The following IL17RD variants were observed in gnomAD, a reference collection of about 807,000 sequenced individuals.
The protein encoded by IL17RD is interleukin 17 receptor D.
In IL17RD, 52 loss-of-function variants were observed where a neutral mutation model predicts 80.5. The observed-to-expected ratio is 0.65, with a 90% CI of 0.52 to 0.81. The LOEUF (loss-of-function observed/expected upper bound fraction) is 0.81. IL17RD is among the 40% of genes least tolerant of loss of function. IL17RD has a pLI of 0.00. For synonymous variants in IL17RD, 416 were observed against 391.8 expected, an observed-to-expected ratio of 1.06 and a Z score of -0.73; for missense variants, 1,024 against 955.1, an observed-to-expected ratio of 1.07 and a Z score of -0.95.
In IL17RD at chr3:57,095,404, A is replaced by G. The variant is rs981576794; in HGVS notation, c.*989T>C. 1 of 152,236 alleles carries G rather than the reference A, an allele frequency of 6.6e-6. No homozygotes were observed. The highest frequency in any genetic ancestry group is 2.4e-5 in the African/African-American group (1 of 41,450). 9.4% of individuals were successfully genotyped at this position (152,236 alleles called of 1,614,324 possible). ...TTAAAAAGAGGTTTGTCATTAGTCA[A>G]AACCAGTTCAGCAGATTAACTGGCC... On this transcript the variant is annotated 3_prime_UTR_variant, in exon 13 of 13. Transcript: ENST00000296318.
chr3:57,133,178 C>T (rs1707648733), intron 1 of IL17RD, among the ~76,000 whole-genome samples: 2 of 152,188 alleles, frequency 1.3e-5, no homozygotes, highest in African/African-American at 2.4e-5. Context: ...AGTTTCAAAG[C>T]GTAAAAAATT....
In IL17RD at chr3:57,097,783, G is replaced by A. The variant is rs947148302; in HGVS notation, c.1920C>T (p.Ser640=). 14 of 1,602,832 alleles carry A rather than the reference G, an allele frequency of 8.7e-6. No individual in the cohort carries two copies. The highest frequency in any genetic ancestry group is 1.3e-5 in the African/African-American group (1 of 74,724). Residue 640 remains serine (S), a synonymous_variant, in exon 12 of 13, where the codon AGC becomes AGT. Coordinates refer to ENST00000296318, the MANE Select transcript of IL17RD (RefSeq NM_017563.5). ...TGTGCAGCAGGGGTTGCAGGGCGGC[G>A]CTACCGTCAAGGGCAGGCCGGGCCT... is the stretch of plus-strand genomic sequence containing the variant. ...DGEARPALDG[S]AALQPLLHTV...
chr3:57,150,596 C>T lies in IL17RD; in HGVS notation c.126+14565G>A, dbSNP rs887969896. On this transcript the variant is annotated intron_variant, in intron 1 of 12. Transcript: ENST00000296318. ...ATGTTCAAAGGCTGGGCAGTCAGGA[C>T]GAAAGGTACACTGTCCCGGATATGT... The T allele has an allele frequency of 5.3e-5, 8 of 152,270 alleles. No homozygotes were observed. The East Asian group carries it at 7.7e-4, about 15-fold the overall frequency. The allele number at this position is 152,270 out of a possible 1,614,324, so 9.4% of individuals were successfully genotyped here.
At chr3:57,139,206 G>A (rs1707785250) in intron 1 of IL17RD, among the ~76,000 whole-genome samples, 1 of 151,998 alleles carries the variant, frequency 6.6e-6, no homozygotes, top group South Asian at 2.1e-4. Context: ...CCAGGAATTG[G>A]GCTTTGTGAG....
At chr3:57,164,509 A>G (rs1486822306) in intron 1 of IL17RD, among the ~76,000 whole-genome samples, 1 of 152,192 alleles carries the variant, frequency 6.6e-6, no homozygotes, top group East Asian at 1.9e-4. Flanking sequence ...AATATCCGCA[A>G]CTCGAAGCAG....
At chr3:57,159,519 G>A (rs1172076271) in intron 1 of IL17RD, among the ~76,000 whole-genome samples, 1 of 152,222 alleles carries the variant, frequency 6.6e-6, no homozygotes, top group East Asian at 1.9e-4. Flanking sequence ...ACCTAATCGT[G>A]TGTCAGGCCC....
intron 7 of IL17RD, 25 bp downstream of exon 7, chr3:57,105,832 C>T (rs775405295): frequency 1.9e-6 from 3 of 1,608,324 alleles, no homozygotes; most frequent in Middle Eastern, 1.9e-4. Flanking sequence ...ACGCAGTGTT[C>T]CTTTATATAC....
At chr3:57,098,842 C>G (rs759717723) in intron 11 of IL17RD, among the ~76,000 whole-genome samples, 1 of 152,204 alleles carries the variant, frequency 6.6e-6, no homozygotes, top group African/African-American at 2.4e-5. Context: ...GGCACCTTGC[C>G]CAAGTCACAC....
At chr3:57,117,512 G>A (rs1048848693) in intron 2 of IL17RD, among the ~76,000 whole-genome samples, 1 of 152,184 alleles carries the variant, frequency 6.6e-6, no homozygotes, top group African/African-American at 2.4e-5. Flanking sequence ...GCCAAAGGAG[G>A]CAGAGAGACT....
rs1265865586 is a variant in IL17RD, at chr3:57,109,559, G to C, written c.528C>G (p.His176Gln). Reference sequence around the variant, plus strand: ...CACCTCGGGTTCTAAAGAAGAAAGGGTGGTAATTGCTTTCGTTTTTAATGG... The same window carrying C: ...CACCTCGGGTTCTAAAGAAGAAAGGCTGGTAATTGCTTTCGTTTTTAATGG... ...FPSIKNESNY[H>Q]PFFFRTRACD... The change falls in exon 5 of 13, where the codon CAC becomes CAG. Residue 176 changes from histidine to glutamine, a missense_variant. Physicochemically the swap from His to Gln is conservative, Grantham distance 24. Transcript: ENST00000296318. 3.1e-6 allele frequency: 5 copies of C among 1,613,704 alleles called. No homozygotes were observed. The highest frequency in any genetic ancestry group is 4.2e-6 in the Non-Finnish European group (5 of 1,179,760).
At position 57,134,551 on chromosome 3, in the gene IL17RD, T is replaced by C. The variant is rs1707680726; in HGVS notation, c.127-14238A>G. On this transcript the variant is annotated intron_variant, in intron 1 of 12. Coordinates refer to ENST00000296318, the MANE Select transcript of IL17RD (RefSeq NM_017563.5). The stretch of plus-strand genomic sequence containing the variant: ...GTGTTCAAAAACAAGTGGATTCTCA[T>C]GGAACACATCCTCAAGCTGAAGGCA... 2.9e-6 allele frequency: 4 copies of C among 1,402,934 alleles called. No homozygotes were observed. The Admixed American group carries it at 5.0e-5, about 18-fold the overall frequency. The allele number at this position is 1,402,934 out of a possible 1,614,324, so 86.9% of individuals were successfully genotyped here.
In IL17RD at chr3:57,105,008, T is replaced by A. The variant is rs866608105; in HGVS notation, c.748-601A>T. ...TGGGTTACTTAGTTTCTATTTAACC[T>A]TGGCCTATTTGTAAAATCAGTAGCC... On this transcript the variant is annotated intron_variant, in intron 7 of 12. Transcript: ENST00000296318. 3.9e-5 allele frequency among the ~76,000 whole-genome samples: 6 copies of A among 152,332 alleles called. No homozygotes were observed. The South Asian group carries it at 1.2e-3, about 32-fold the overall frequency.
intron 1 of IL17RD, among the ~76,000 whole-genome samples, chr3:57,157,231 A>G (rs1041851656): frequency 6.6e-6 from 1 of 152,198 alleles, no homozygotes; most frequent in Non-Finnish European, 1.5e-5. Context: ...GTTGAATGTC[A>G]ACAAACTGCT....
At chr3:57,106,569 G>T (rs1706970540) in intron 5 of IL17RD, among the ~76,000 whole-genome samples, 1 of 152,156 alleles carries the variant, frequency 6.6e-6, no homozygotes, top group Non-Finnish European at 1.5e-5. Flanking sequence ...ACTTTGGAGT[G>T]GTCCTGGTAA....
At chr3:57,137,035 A>T (rs1445504550) in intron 1 of IL17RD, among the ~76,000 whole-genome samples, 1 of 152,218 alleles carries the variant, frequency 6.6e-6, no homozygotes. Flanking sequence ...AGGCATGTCA[A>T]GCTTTGGGGT....
intron 1 of IL17RD, among the ~76,000 whole-genome samples, chr3:57,153,363 G>T (rs1333749006): frequency 6.6e-6 from 1 of 152,146 alleles, no homozygotes; most frequent in Non-Finnish European, 1.5e-5. Context: ...CCTTTAGAGG[G>T]GTCTTGTCAA....
upstream of IL17RD, chr3:57,165,451 T>G (rs2060342705): frequency 5.3e-5 from 22 of 413,522 alleles, no homozygotes; most frequent in South Asian, 2.3e-3. Flanking sequence ...CCTCGTGTGC[T>G]GGCCCCGCCC....
chr3:57,162,797 GC>G (rs2060314432), intron 1 of IL17RD, among the ~76,000 whole-genome samples: 1 of 152,134 alleles, frequency 6.6e-6, no homozygotes, highest in South Asian at 2.1e-4. Flanking sequence ...TCAGTGCCTG[GC>G]TAAAGAAACT....
rs1399025886 is a variant in IL17RD at position 57,120,110 on chromosome 3, C to A, written c.184+146G>T. The A allele has an allele frequency of 4.6e-6, 3 of 653,946 alleles. No homozygotes were observed. In the South Asian group the frequency reaches 5.6e-5, roughly 12 times the overall value. The allele number at this position is 653,946 out of a possible 1,614,324, so 40.5% of individuals were successfully genotyped here. ...AAATACTTGAGTGGCCTAATTGAGA[C>A]TGAGCTGCTTTAGCTGTTGACAAAC... is the stretch of plus-strand genomic sequence containing the variant. On this transcript the variant is annotated intron_variant, in intron 2 of 12. Transcript: ENST00000296318.
Sources: allele counts gnomAD v4.1 joint callset (sites outside exome capture counted in the v4.1 genomes callset), GRCh38; gene constraint gnomAD v4.1.1; transcripts MANE v1.5; gene names NCBI Gene and HGNC (gene_info 2026-07-23, HGNC 2026-07-21).